CYP7B1: variants seen among roughly 807,000 people sequenced by gnomAD.
CYP7B1 encodes the protein cytochrome P450 family 7 subfamily B member 1.
Under a neutral mutation model 42.7 loss-of-function variants are expected in CYP7B1, and 29 were observed. The observed-to-expected ratio is 0.68, with a 90% confidence interval of 0.51 to 0.93. CYP7B1 has a LOEUF of 0.93. CYP7B1 is among the 40% of genes least tolerant of loss of function. The pLI, the probability that CYP7B1 is intolerant of heterozygous loss-of-function variation, is 0.00. For missense variants in CYP7B1, 655 were observed against 600.5 expected (o/e 1.09, Z -0.95); for synonymous variants, 235 against 218.2 (o/e 1.08, Z -0.68).
chr8:64,790,476 T>G (rs1300159455), intron 1 of CYP7B1, among the ~76,000 whole-genome samples: 2 of 152,210 alleles, frequency 1.3e-5, no homozygotes, highest in African/African-American at 4.8e-5. Context: ...TGCCCCAAGA[T>G]CAATGTGTTT....
At chr8:64,670,967 T>C (rs1389767857) in intron 1 of CYP7B1, among the ~76,000 whole-genome samples, 2 of 152,152 alleles carry the variant, frequency 1.3e-5, no homozygotes, top group Non-Finnish European at 2.9e-5. Flanking sequence ...GTAGATGATG[T>C]GTCTTCCCAC....
chr8:64,636,998 T>G (rs1805783804), intron 1 of CYP7B1, among the ~76,000 whole-genome samples: 1 of 152,220 alleles, frequency 6.6e-6, no homozygotes, highest in African/African-American at 2.4e-5. Flanking sequence ...TTTCATTTGA[T>G]TTTGAAATGT....
intron 1 of CYP7B1, among the ~76,000 whole-genome samples, chr8:64,784,700 G>A (rs1354681211): frequency 6.6e-6 from 1 of 152,108 alleles, no homozygotes; most frequent in African/African-American, 2.4e-5. Flanking sequence ...CCTTTCATCA[G>A]AATAATGTGC....
intron 4 of CYP7B1, among the ~76,000 whole-genome samples, chr8:64,612,208 T>C (rs979971405): frequency 2.0e-5 from 3 of 152,086 alleles, no homozygotes; most frequent in African/African-American, 7.2e-5. Flanking sequence ...TTTTCTGAGA[T>C]AACTGAAAAA....
rs1394799313 is a variant in CYP7B1 at position 64,666,852 on chromosome 8, G to T, written c.123-42313C>A. 2.0e-5 allele frequency among the ~76,000 whole-genome samples: 3 copies of T among 152,302 alleles called. No individual in the cohort carries two copies. In the East Asian group the frequency reaches 5.8e-4, roughly 29 times the overall value. Reference sequence around the variant, plus strand: ...CTGCTGGCTATTTAAAAATAAAGTTGTGTTAAGGTAGTGTGATTATTTAAC... The same window carrying T: ...CTGCTGGCTATTTAAAAATAAAGTTTTGTTAAGGTAGTGTGATTATTTAAC... On this transcript the variant is annotated intron_variant, in intron 1 of 5. Transcript: ENST00000310193.
intron 1 of CYP7B1, among the ~76,000 whole-genome samples, chr8:64,760,276 A>T: frequency 6.6e-6 from 1 of 152,226 alleles, no homozygotes; most frequent in South Asian, 2.1e-4. Context: ...ATAAGGCCTG[A>T]AAAGCTCCTT....
intron 1 of CYP7B1, among the ~76,000 whole-genome samples, chr8:64,691,771 C>G (rs142565773): frequency 6.6e-6 from 1 of 152,276 alleles, no homozygotes; most frequent in Non-Finnish European, 1.5e-5. Flanking sequence ...CAACCTCCCC[C>G]ATCTGCAGTG....
chr8:64,615,234 T>C lies in CYP7B1; in HGVS notation c.851-2A>G. 6.2e-7 allele frequency: 1 copy of C among 1,611,664 alleles called. No individual in the cohort carries two copies. Among genetic ancestry groups the C allele is most frequent in the Non-Finnish European group, 8.5e-7 (1 of 1,178,530 alleles). On this transcript the variant is annotated splice_acceptor_variant, in intron 3 of 5. Coordinates refer to ENST00000310193, the MANE Select transcript of CYP7B1 (RefSeq NM_004820.5). LOFTEE classifies it high-confidence loss of function. ...CCCAGAGAAAGCCTAAATGATGTGCTGGGAGAAAATAAGTGAAAAGGAAGA... is the reference window on the plus strand; with the variant it reads ...CCCAGAGAAAGCCTAAATGATGTGCCGGGAGAAAATAAGTGAAAAGGAAGA...
At chr8:64,739,667 G>A (rs568708640) in intron 1 of CYP7B1, among the ~76,000 whole-genome samples, 24 of 152,204 alleles carry the variant, frequency 1.6e-4, no homozygotes, top group Admixed American at 4.6e-4. Context: ...TAATGCCTTC[G>A]AATTTTCCAA....
At chr8:64,588,381 A>G (rs1189887542), downstream of CYP7B1, among the ~76,000 whole-genome samples, 1 of 152,246 alleles carries the variant, frequency 6.6e-6, no homozygotes, top group Non-Finnish European at 1.5e-5. Context: ...AAGTTTTAGA[A>G]GAAAGTTCAG....
intron 1 of CYP7B1, among the ~76,000 whole-genome samples, chr8:64,736,173 A>G (rs547840871): frequency 6.6e-6 from 1 of 152,296 alleles, no homozygotes; most frequent in East Asian, 1.9e-4. Flanking sequence ...CACTAAAAAT[A>G]TAGATCTTGA....
At chr8:64,777,892 A>G (rs1403520179) in intron 1 of CYP7B1, among the ~76,000 whole-genome samples, 1 of 151,970 alleles carries the variant, frequency 6.6e-6, no homozygotes, top group Non-Finnish European at 1.5e-5. Context: ...ATTTCTGTAA[A>G]AAAATAAAAT....
At chr8:64,795,201 G>C (rs187963192) in intron 1 of CYP7B1, among the ~76,000 whole-genome samples, 1 of 152,226 alleles carries the variant, frequency 6.6e-6, no homozygotes, top group Admixed American at 6.5e-5. Flanking sequence ...AAATCATTAT[G>C]TTGAGAGAAA....
At chr8:64,590,848 A>T (rs146409749), downstream of CYP7B1, among the ~76,000 whole-genome samples, 51 of 152,280 alleles carry the variant, frequency 3.3e-4, no homozygotes, top group East Asian at 9.6e-3. Context: ...ATAATCAGTC[A>T]TCTGTGCTTT....
chr8:64,726,552 T>G (rs1807327875), intron 1 of CYP7B1, among the ~76,000 whole-genome samples: 1 of 152,242 alleles, frequency 6.6e-6, no homozygotes, highest in African/African-American at 2.4e-5. Flanking sequence ...TTCCATTTTT[T>G]GGCGCTGCAT....
chr8:64,637,677 G>T (rs180887804), intron 1 of CYP7B1, among the ~76,000 whole-genome samples: 32 of 152,230 alleles, frequency 2.1e-4, no homozygotes, highest in Admixed American at 1.9e-3. Flanking sequence ...CTTAATTCTT[G>T]CAGTGTCCTT....
At chr8:64,727,265 T>A (rs1191722668) in intron 1 of CYP7B1, among the ~76,000 whole-genome samples, 3 of 152,234 alleles carry the variant, frequency 2.0e-5, no homozygotes, top group South Asian at 2.1e-4. Flanking sequence ...TAAATTTTTA[T>A]CCTTCTTATT....
chr8:64,620,844 G>C (rs948352634), intron 2 of CYP7B1, among the ~76,000 whole-genome samples: 1 of 152,164 alleles, frequency 6.6e-6, no homozygotes, highest in Non-Finnish European at 1.5e-5. Flanking sequence ...TTATTCAGAT[G>C]TTAGAAATTC....
Position 64,624,437 on chromosome 8 carries a change from CT to C in CYP7B1, c.224del (p.Lys75SerfsTer16). The C allele has an allele frequency of 6.2e-7, 1 of 1,613,402 alleles. No individual in the cohort carries two copies. The highest frequency in any genetic ancestry group is 1.1e-5 in the South Asian group (1 of 91,038). On this transcript the variant is annotated frameshift_variant, in exon 2 of 6. Transcript: ENST00000310193. LOFTEE classifies it high-confidence loss of function. ...GAACTGTGAAAGTGTCACCATGTTG[CT>C]TTTGAAGTGTTTTCATGAACCTTAA... The part of the protein sequence containing the change: ...DPLRFMKTLQ[K>X]QHGDTFTVLL...
Sources: allele counts gnomAD v4.1 joint callset (sites outside exome capture counted in the v4.1 genomes callset), GRCh38; gene constraint gnomAD v4.1.1; transcripts MANE v1.5; gene names NCBI Gene and HGNC (gene_info 2026-07-23, HGNC 2026-07-21).